The following RPS6KC1 variants were observed in gnomAD, a reference collection of about 807,000 sequenced individuals.
RPS6KC1 encodes the protein inactive ribosomal protein S6 kinase delta-1.
RPS6KC1 carries 54 observed loss-of-function variants against 103.8 expected under a neutral mutation model. That is an observed-to-expected ratio of 0.52 (90% CI 0.42 to 0.65). RPS6KC1 has a LOEUF of 0.65. Ranked by LOEUF, RPS6KC1 falls within the 30% of genes least tolerant of loss-of-function variation. The probability of loss-of-function intolerance (pLI) is 0.00; values close to 1 mark genes in which losing one functional copy is unlikely to be tolerated. For synonymous variants in RPS6KC1, 439 were observed against 438.7 expected, an observed-to-expected ratio of 1.00 and a Z score of -0.01; for missense variants, 1,151 against 1,253.8, an observed-to-expected ratio of 0.92 and a Z score of 1.24.
At chr1:213,337,142 C>G in the RPS6KC1 span, among the ~76,000 whole-genome samples, 6 of 152,172 alleles carry the variant, frequency 3.9e-5, no homozygotes, top group Non-Finnish European at 5.9e-5. Flanking sequence ...TCTCTTTAAT[C>G]AGACCATAGG....
chr1:213,414,525 G>A, the RPS6KC1 span, among the ~76,000 whole-genome samples: 1 of 152,172 alleles, frequency 6.6e-6, no homozygotes, highest in Admixed American at 6.5e-5. Flanking sequence ...GGAGCACCAA[G>A]GATTGCCAAC....
the RPS6KC1 span, among the ~76,000 whole-genome samples, chr1:213,849,843 G>A: frequency 6.6e-6 from 1 of 151,530 alleles, no homozygotes; most frequent in Admixed American, 6.6e-5. Context: ...TTAAATTTTG[G>A]CCTAAATATT....
chr1:213,077,738 A>G lies in RPS6KC1; in HGVS notation c.184A>G (p.Lys62Glu), dbSNP rs750589957. 3 of 1,528,382 alleles carry G rather than the reference A, an allele frequency of 2.0e-6. No individual in the cohort carries two copies. The highest frequency in any genetic ancestry group is 2.3e-5 in the East Asian group (1 of 43,062). 94.7% of individuals were successfully genotyped at this position (1,528,382 alleles called of 1,614,324 possible). ...KRYSDFKKLH[K>E]ELWQIHKNLF... ...ATACAGTGATTTTAAGAAACTACAC[A>G]AAGAACTATGGCAAATTCACAAAAA... Residue 62 changes from lysine to glutamate, a missense_variant, in exon 3 of 15, where the codon AAA becomes GAA. By Grantham distance (56) the Lys-to-Glu change is moderately conservative. Transcript: ENST00000366960.
At chr1:213,468,171 T>G in the RPS6KC1 span, among the ~76,000 whole-genome samples, 6 of 152,240 alleles carry the variant, frequency 3.9e-5, no homozygotes, top group African/African-American at 1.4e-4. Flanking sequence ...TAAAGTTAAT[T>G]CTTGATCATA....
At chr1:213,316,176 G>C in the RPS6KC1 span, among the ~76,000 whole-genome samples, 6 of 152,330 alleles carry the variant, frequency 3.9e-5, no homozygotes, top group Non-Finnish European at 8.8e-5. Context: ...GGTTTTATAA[G>C]TGGCAGTTTC....
chr1:213,065,822 T>A (rs977499495), intron 1 of RPS6KC1, among the ~76,000 whole-genome samples: 2 of 152,174 alleles, frequency 1.3e-5, no homozygotes, highest in African/African-American at 4.8e-5. Flanking sequence ...CGATGGAATT[T>A]TATGGAAATA....
the RPS6KC1 span, among the ~76,000 whole-genome samples, chr1:213,622,998 T>A: frequency 6.6e-6 from 1 of 152,056 alleles, no homozygotes; most frequent in Non-Finnish European, 1.5e-5. Flanking sequence ...ATAGGGCCCG[T>A]CCTAGAGGCA....
the RPS6KC1 span, among the ~76,000 whole-genome samples, chr1:213,814,139 C>T: frequency 6.6e-6 from 1 of 152,248 alleles, no homozygotes; most frequent in African/African-American, 2.4e-5. Context: ...GATGTGAGTT[C>T]CAATTCCAGT....
the RPS6KC1 span, among the ~76,000 whole-genome samples, chr1:213,749,696 C>A: frequency 6.6e-6 from 1 of 152,136 alleles, no homozygotes; most frequent in Non-Finnish European, 1.5e-5. Flanking sequence ...TTGCACTACA[C>A]TTCGATGTGG....
chr1:213,229,395 A>G (rs1573459690), intron 8 of RPS6KC1, among the ~76,000 whole-genome samples: 1 of 151,678 alleles, frequency 6.6e-6, no homozygotes, highest in Non-Finnish European at 1.5e-5. Flanking sequence ...TTTGACAGCC[A>G]GCTCTCTGGT....
At chr1:213,738,404 G>C in the RPS6KC1 span, among the ~76,000 whole-genome samples, 2 of 152,262 alleles carry the variant, frequency 1.3e-5, no homozygotes, top group East Asian at 1.9e-4. Flanking sequence ...GTTTGCAAGA[G>C]AGAAAGTGGA....
At chr1:213,307,717 A>C in the RPS6KC1 span, among the ~76,000 whole-genome samples, 1 of 152,178 alleles carries the variant, frequency 6.6e-6, no homozygotes, top group South Asian at 2.1e-4. Context: ...CCCAAGGGGC[A>C]TCTTCTCAGC....
At chr1:213,433,782 A>T in the RPS6KC1 span, among the ~76,000 whole-genome samples, 1 of 152,316 alleles carries the variant, frequency 6.6e-6, no homozygotes, top group South Asian at 2.1e-4. Context: ...TCTTTTGCCC[A>T]TTTAAAAAAT....
At chr1:213,752,167 C>T in the RPS6KC1 span, among the ~76,000 whole-genome samples, 1 of 151,768 alleles carries the variant, frequency 6.6e-6, no homozygotes, top group Admixed American at 6.6e-5. Flanking sequence ...GAGAAAATAC[C>T]CTTCGATAGG....
At chr1:213,810,746 A>G in the RPS6KC1 span, among the ~76,000 whole-genome samples, 6 of 152,222 alleles carry the variant, frequency 3.9e-5, no homozygotes, top group African/African-American at 1.4e-4. Context: ...GCCTGAACTC[A>G]TTTATTTTTG....
chr1:213,333,023 C>G, the RPS6KC1 span, among the ~76,000 whole-genome samples: 1 of 152,128 alleles, frequency 6.6e-6, no homozygotes, highest in African/African-American at 2.4e-5. Context: ...TGTGAACACC[C>G]GACTCCACAT....
At chr1:213,394,739 G>A in the RPS6KC1 span, among the ~76,000 whole-genome samples, 3 of 152,176 alleles carry the variant, frequency 2.0e-5, no homozygotes. Flanking sequence ...TGCTTTTCTG[G>A]AAGAAATTCT....
At chr1:213,574,917 G>T in the RPS6KC1 span, among the ~76,000 whole-genome samples, 1 of 152,120 alleles carries the variant, frequency 6.6e-6, no homozygotes, top group Non-Finnish European at 1.5e-5. Context: ...TGGTGTCCAT[G>T]ACGGGTGAGA....
At chr1:213,363,814 C>CT in the RPS6KC1 span, among the ~76,000 whole-genome samples, 2 of 23,300 alleles carry the variant, frequency 8.6e-5, no homozygotes, top group Admixed American at 3.9e-4. Context: ...TTCTTTCTTT[C>CT]TTCTCTCTTT....
Sources: allele counts gnomAD v4.1 joint callset (sites outside exome capture counted in the v4.1 genomes callset), GRCh38; gene constraint gnomAD v4.1.1; transcripts MANE v1.5; gene names NCBI Gene and HGNC (gene_info 2026-07-23, HGNC 2026-07-21).